The following TANGO2 variants were observed in gnomAD, a reference collection of about 807,000 sequenced individuals.
TANGO2 encodes transport and Golgi organization protein 2 homolog.
A neutral mutation model predicts 39.1 loss-of-function variants in TANGO2; 26 were observed. The ratio of observed to expected loss-of-function variants is 0.67; its 90% confidence interval spans 0.49 to 0.92. TANGO2 has a LOEUF of 0.92. Among genes scored for constraint, TANGO2 ranks in the 40% least tolerant of loss-of-function variants. TANGO2 has a pLI of 0.00. For synonymous variants in TANGO2, 131 were observed against 144.5 expected, an observed-to-expected ratio of 0.91 and a Z score of 0.67; for missense variants, 326 against 360.1, an observed-to-expected ratio of 0.91 and a Z score of 0.77.
chr22:20,045,119 C>T (rs2044866528), intron 3 of TANGO2, among the ~76,000 whole-genome samples: 1 of 152,052 alleles, frequency 6.6e-6, no homozygotes, highest in Non-Finnish European at 1.5e-5. Context: ...GCCTGTAGCA[C>T]CAGCTTTACT....
rs539894153 is a variant in TANGO2 at position 20,024,842 on chromosome 22, C to T, written c.-40+3596C>T. Among the ~76,000 whole-genome samples, 105 of 152,248 alleles carry T rather than the reference C, an allele frequency of 6.9e-4. 1 individual carries two copies. The South Asian group carries it at 0.021, about 31-fold the overall frequency. On this transcript the variant is annotated intron_variant, in intron 1 of 8. Transcript: ENST00000327374. ...TCCGCCAAAAGCGTGTGTCCCATCC[C>T]CTCTGGCCCCCAGGGTCTCCAGGTG...
intron 2 of TANGO2, among the ~76,000 whole-genome samples, chr22:20,043,006 A>C (rs1569280576): frequency 6.6e-6 from 1 of 152,008 alleles, no homozygotes; most frequent in Middle Eastern, 3.2e-3. Flanking sequence ...AGATGGACAG[A>C]AGGAGGAACA....
At chr22:20,045,765 A>G (rs1311404266) in intron 3 of TANGO2, among the ~76,000 whole-genome samples, 1 of 152,068 alleles carries the variant, frequency 6.6e-6, no homozygotes, top group Non-Finnish European at 1.5e-5. Flanking sequence ...GTCCTCCCAA[A>G]GTGCTGGGAT....
chr22:20,062,262 G>A (rs866934827), intron 7 of TANGO2, among the ~76,000 whole-genome samples: 21 of 152,256 alleles, frequency 1.4e-4, no homozygotes, highest in African/African-American at 3.9e-4. Context: ...TGCCCCAGCC[G>A]GGGGTCCTGG....
intron 2 of TANGO2, 95 bp downstream of exon 2, chr22:20,036,949 G>C: frequency 6.2e-7 from 1 of 1,613,580 alleles, no homozygotes; most frequent in Non-Finnish European, 8.5e-7. Flanking sequence ...AGGAAGGTGT[G>C]TGGGCCAGGA....
At chr22:20,038,632 G>A (rs920800657) in intron 2 of TANGO2, among the ~76,000 whole-genome samples, 1 of 152,244 alleles carries the variant, frequency 6.6e-6, no homozygotes, top group Admixed American at 6.5e-5. Flanking sequence ...ATTTTCCGAA[G>A]CCCTAAGCCA....
intron 3 of TANGO2, among the ~76,000 whole-genome samples, 162 bp downstream of exon 3, chr22:20,043,605 G>A (rs944315239): frequency 2.6e-5 from 4 of 152,168 alleles, no homozygotes; most frequent in African/African-American, 7.2e-5. Context: ...CCAGCACCGG[G>A]CATTGCCAGA....
intron 6 of TANGO2, 50 bp from the exon 7 acceptor site, chr22:20,061,480 T>G: frequency 6.5e-7 from 1 of 1,541,516 alleles, no homozygotes; most frequent in Non-Finnish European, 8.8e-7. Context: ...CAATTTGCCC[T>G]GACATGGCAC....
chr22:20,028,690 C>G (rs538387742), intron 1 of TANGO2, among the ~76,000 whole-genome samples: 1 of 152,296 alleles, frequency 6.6e-6, no homozygotes, highest in South Asian at 2.1e-4. Flanking sequence ...CGGTCAGATG[C>G]CTGATGCCTG....
intron 3 of TANGO2, 103 bp from the exon 4 acceptor site, chr22:20,052,362 T>C (rs2046510328): frequency 3.3e-6 from 5 of 1,498,208 alleles, no homozygotes; most frequent in Middle Eastern, 1.9e-4. Context: ...CTCGAGGAGC[T>C]TGAGGCAGGA....
chr22:20,039,644 C>T (rs932076194), intron 2 of TANGO2, among the ~76,000 whole-genome samples: 21 of 151,766 alleles, frequency 1.4e-4, no homozygotes, highest in East Asian at 1.2e-3. Flanking sequence ...AAAGAAAAAA[C>T]GAAAAAAAAC....
At position 20,067,103 on chromosome 22, in the gene TANGO2, A is replaced by G. The variant is rs534150401; in HGVS notation, c.*2441A>G. ...TTAGTGTGGGCCCTAATCCAATATGACGGCTATCCTTATAAAAAGAGGAAC... is the reference window on the plus strand; with the variant it reads ...TTAGTGTGGGCCCTAATCCAATATGGCGGCTATCCTTATAAAAAGAGGAAC... On this transcript the variant is annotated 3_prime_UTR_variant, in exon 9 of 9. Transcript: ENST00000327374. 1 of 152,260 alleles carries G rather than the reference A, an allele frequency of 6.6e-6. No individual in the cohort carries two copies. The highest frequency in any genetic ancestry group is 1.9e-4 in the East Asian group (1 of 5,176). The allele number at this position is 152,260 out of a possible 1,614,324, so 9.4% of individuals were successfully genotyped here.
intron 3 of TANGO2, among the ~76,000 whole-genome samples, chr22:20,046,928 T>C (rs2045331074): frequency 6.6e-6 from 1 of 152,036 alleles, no homozygotes; most frequent in Non-Finnish European, 1.5e-5. Flanking sequence ...TGGCTTAGAG[T>C]TCTACAGGGG....
rs535737008 is a variant in TANGO2, at chr22:20,049,947, G to A, written c.146-2518G>A. 4.1e-4 allele frequency among the ~76,000 whole-genome samples: 62 copies of A among 152,204 alleles called. 1 individual carries two copies. The South Asian group carries it at 0.012, about 29-fold the overall frequency. On this transcript the variant is annotated intron_variant, in intron 3 of 8. Transcript: ENST00000327374. The stretch of plus-strand genomic sequence containing the variant: ...GTTGAGGCTGGGCACGGTGGCTCAC[G>A]CCTGTAATTCCAGCACTTTGGAAGG...
chr22:20,056,477 C>G (rs1160260516), intron 6 of TANGO2: 1 of 458,198 alleles, frequency 2.2e-6, no homozygotes. Context: ...CGGTCCCCAT[C>G]CTCAGGGCCT....
At chr22:20,053,664 G>A (rs924396562) in intron 5 of TANGO2, 113 bp downstream of exon 5, 12 of 728,546 alleles carry the variant, frequency 1.6e-5, no homozygotes, top group Non-Finnish European at 2.7e-5. Flanking sequence ...CTCCAGGGAC[G>A]TTGCTCCTCG....
At chr22:20,059,649 T>A (rs1569333248) in intron 6 of TANGO2, among the ~76,000 whole-genome samples, 1 of 152,232 alleles carries the variant, frequency 6.6e-6, no homozygotes, top group African/African-American at 2.4e-5. Flanking sequence ...TGAGCAGCTA[T>A]TCTCATGCTC....
intron 2 of TANGO2, among the ~76,000 whole-genome samples, chr22:20,042,374 T>A (rs1209602430): frequency 1.3e-5 from 2 of 152,196 alleles, no homozygotes; most frequent in Non-Finnish European, 2.9e-5. Flanking sequence ...CTTATTTGTT[T>A]TCTTCTAATG....
chr22:20,023,612 T>G (rs1235900231), intron 1 of TANGO2, among the ~76,000 whole-genome samples: 1 of 151,976 alleles, frequency 6.6e-6, no homozygotes, highest in Non-Finnish European at 1.5e-5. Context: ...CCCAGCAGTT[T>G]GGGAGGCCGA....
Sources: gnomAD v4.1 joint callset for allele counts (sites outside exome capture counted in the v4.1 genomes callset) on GRCh38, gnomAD v4.1.1 for gene constraint, MANE v1.5 for transcripts, NCBI Gene and HGNC (gene_info 2026-07-23, HGNC 2026-07-21) for gene names.